Variants in TSPAN7 observed in about 807,000 individuals in gnomAD.
TSPAN7 encodes the protein tetraspanin-7.
A neutral mutation model predicts 17.6 loss-of-function variants in TSPAN7; 1 was observed. That is an observed-to-expected ratio of 0.06 (90% confidence interval 0.02 to 0.27). The LOEUF (loss-of-function observed/expected upper bound fraction) is 0.27, where lower values mean the gene tolerates loss of function less well. TSPAN7 is among the 10% of genes least tolerant of loss of function. The pLI is 1.00. For synonymous variants in TSPAN7, 78 were observed against 79.0 expected (o/e 0.99, Z 0.07); for missense variants, 112 against 201.7 (o/e 0.56, Z 2.69).
rs754393092 is a variant in TSPAN7 at position 38,688,001 on chromosome X, A to G, written c.*70A>G. The G allele has an allele frequency of 1.8e-3, 342 of 185,909 alleles. No homozygotes were observed. The highest frequency in any genetic ancestry group is 9.8e-3 in the African/African-American group (332 of 33,828). The allele number at this position is 185,909 out of a possible 1,213,427, so 15.3% of individuals were successfully genotyped here. A position where few individuals can be genotyped will look rare whatever the true frequency, so the allele number is the denominator to read the frequency against. Reference sequence around the variant, plus strand: ...AAGGAACTGCAGCAATCTTTGAAAGACTTCCAAAGAATGTTAGAGCACAGT... The same window carrying G: ...AAGGAACTGCAGCAATCTTTGAAAGGCTTCCAAAGAATGTTAGAGCACAGT... On this transcript the variant is annotated 3_prime_UTR_variant, in exon 8 of 8. Transcript: ENST00000378482.
intron 1 of TSPAN7, among the ~76,000 whole-genome samples, chrX:38,649,398 A>T (rs1355058019): frequency 8.9e-6 from 1 of 112,617 alleles, no homozygotes; most frequent in Non-Finnish European, 1.9e-5. Flanking sequence ...AATGGTCCAT[A>T]GAGTATGGTG....
At chrX:38,669,190 A>G (rs1302482430) in intron 2 of TSPAN7, among the ~76,000 whole-genome samples, 1 of 112,268 alleles carries the variant, frequency 8.9e-6, no homozygotes, top group Non-Finnish European at 1.9e-5. Context: ...GTATCAAAAC[A>G]TCATACTGTA....
At chrX:38,589,395 C>T (rs2069277908) in intron 1 of TSPAN7, among the ~76,000 whole-genome samples, 1 of 111,927 alleles carries the variant, frequency 8.9e-6, no homozygotes, top group African/African-American at 3.2e-5. Flanking sequence ...CACTTTTTTA[C>T]TAATATAAGA....
chrX:38,630,967 A>G (rs950464646), intron 1 of TSPAN7, among the ~76,000 whole-genome samples: 1 of 112,492 alleles, frequency 8.9e-6, no homozygotes, highest in African/African-American at 3.2e-5. Context: ...TCTTTGAGTC[A>G]AAGAGGGATG....
intron 1 of TSPAN7, among the ~76,000 whole-genome samples, chrX:38,583,519 C>T (rs2069238790): frequency 2.7e-5 from 3 of 111,828 alleles, no homozygotes; most frequent in Admixed American, 1.9e-4. Context: ...ATAAAATGAA[C>T]AAGATGATCT....
chrX:38,674,457 AC>A, intron 4 of TSPAN7, 141 bp downstream of exon 4: 1 of 551,458 alleles, frequency 1.8e-6, no homozygotes, highest in Non-Finnish European at 3.1e-6. Flanking sequence ...AAGAGTTGAC[AC>A]CCAGTCCTTG....
chrX:38,636,909 G>C (rs978109091), intron 1 of TSPAN7, among the ~76,000 whole-genome samples: 2 of 111,702 alleles, frequency 1.8e-5, no homozygotes, highest in African/African-American at 3.3e-5. Context: ...CCAGCCGTGG[G>C]CTCCCAAAGT....
At chrX:38,668,476 T>C (rs2069797766) in intron 2 of TSPAN7, among the ~76,000 whole-genome samples, 1 of 111,931 alleles carries the variant, frequency 8.9e-6, no homozygotes, top group Non-Finnish European at 1.9e-5. Context: ...AGTTTTTTGG[T>C]TTGGGGCTTA....
At chrX:38,663,744 G>A (rs192708546) in intron 1 of TSPAN7, among the ~76,000 whole-genome samples, 116 of 112,080 alleles carry the variant, frequency 1.0e-3, no homozygotes, top group Non-Finnish European at 1.6e-3. Flanking sequence ...TTAAAATCAG[G>A]ATTTGTGTTA....
chrX:38,594,632 A>G (rs978030134), intron 1 of TSPAN7, among the ~76,000 whole-genome samples: 3 of 112,018 alleles, frequency 2.7e-5, no homozygotes, highest in African/African-American at 9.7e-5. Context: ...TCATTCTTAA[A>G]TGAAGGGTAG....
At chrX:38,594,609 T>G (rs1362232911) in intron 1 of TSPAN7, among the ~76,000 whole-genome samples, 1 of 112,153 alleles carries the variant, frequency 8.9e-6, no homozygotes, top group Non-Finnish European at 1.9e-5. Context: ...AATGAGAAGA[T>G]ACATGAATGT....
At chrX:38,652,387 G>T (rs1350320280) in intron 1 of TSPAN7, among the ~76,000 whole-genome samples, 1 of 111,975 alleles carries the variant, frequency 8.9e-6, no homozygotes, top group Non-Finnish European at 1.9e-5. Context: ...GTTGCATCCA[G>T]AGTCTCTATG....
At chrX:38,595,254 G>A (rs995137318) in intron 1 of TSPAN7, among the ~76,000 whole-genome samples, 2 of 110,913 alleles carry the variant, frequency 1.8e-5, no homozygotes, top group African/African-American at 3.3e-5. Flanking sequence ...ATGGTTTTGA[G>A]CAAAGCAAAA....
chrX:38,659,142 G>A (rs1212668737), intron 1 of TSPAN7, among the ~76,000 whole-genome samples: 1 of 111,666 alleles, frequency 9.0e-6, no homozygotes, highest in Admixed American at 9.5e-5. Flanking sequence ...CACATGTCTT[G>A]ATAACAGTGG....
At chrX:38,656,151 A>G (rs752980731) in intron 1 of TSPAN7, 21 of 248,691 alleles carry the variant, frequency 8.4e-5, no homozygotes, top group Middle Eastern at 1.4e-3. Context: ...GTCTTGGAAA[A>G]TCAGGTACGA....
chrX:38,594,962 C>CT (rs1269005245), intron 1 of TSPAN7, among the ~76,000 whole-genome samples: 2 of 111,065 alleles, frequency 1.8e-5, no homozygotes, highest in Non-Finnish European at 3.8e-5. Context: ...CTTCCTCTTC[C>CT]TTTTTTTTAT....
At chrX:38,587,463 A>T (rs763565889) in intron 1 of TSPAN7, among the ~76,000 whole-genome samples, 2 of 111,743 alleles carry the variant, frequency 1.8e-5, no homozygotes, top group South Asian at 7.5e-4. Context: ...CCACCATCAT[A>T]ACAGTGTTTG....
chrX:38,563,821 T>C (rs1365892330), intron 1 of TSPAN7, among the ~76,000 whole-genome samples: 1 of 111,822 alleles, frequency 8.9e-6, no homozygotes, highest in Non-Finnish European at 1.9e-5. Flanking sequence ...TTGGTTGTTG[T>C]AATCATTTCA....
At chrX:38,635,488 T>C (rs775285363) in intron 1 of TSPAN7, among the ~76,000 whole-genome samples, 3 of 111,725 alleles carry the variant, frequency 2.7e-5, no homozygotes, top group Non-Finnish European at 5.6e-5. Flanking sequence ...AGGAAGATGA[T>C]GTAGGTCTCT....
Sources: gnomAD v4.1 joint callset for allele counts (sites outside exome capture counted in the v4.1 genomes callset) on GRCh38, gnomAD v4.1.1 for gene constraint, MANE v1.5 for transcripts, NCBI Gene and HGNC (gene_info 2026-07-23, HGNC 2026-07-21) for gene names.